The following DPP6 variants were observed in gnomAD, a reference collection of about 807,000 sequenced individuals.
The protein encoded by DPP6 is dipeptidyl peptidase like 6.
In DPP6, 69 loss-of-function variants were observed where a neutral mutation model predicts 122.6. That is an observed-to-expected ratio of 0.56 (90% confidence interval 0.46 to 0.69). The LOEUF is 0.69. Ranked by LOEUF, DPP6 falls within the 30% of genes least tolerant of loss-of-function variation. The probability of loss-of-function intolerance (pLI) is 0.00; values close to 1 mark genes in which losing one functional copy is unlikely to be tolerated. For synonymous variants in DPP6, 418 were observed against 433.1 expected, an observed-to-expected ratio of 0.97 and a Z score of 0.43; for missense variants, 928 against 1,116.9, an observed-to-expected ratio of 0.83 and a Z score of 2.41.
intron 7 of DPP6, among the ~76,000 whole-genome samples, chr7:154,722,621 C>A (rs560685362): frequency 6.6e-6 from 1 of 151,984 alleles, no homozygotes; most frequent in South Asian, 2.1e-4. Flanking sequence ...AAATCAGGGG[C>A]GGCAGCAGGA....
chr7:154,373,968 G>A (rs947155196), intron 1 of DPP6, among the ~76,000 whole-genome samples: 3 of 152,308 alleles, frequency 2.0e-5, no homozygotes, highest in East Asian at 1.9e-4. Context: ...GCCTGTGTCA[G>A]AATTTCCTAC....
At chr7:153,901,421 AC>A (rs912965805) in intron 1 of DPP6, among the ~76,000 whole-genome samples, 4 of 152,152 alleles carry the variant, frequency 2.6e-5, no homozygotes, top group African/African-American at 9.7e-5. Flanking sequence ...AAAGGTCGAA[AC>A]CCTCTTTTCC....
At chr7:153,810,102 G>A in the DPP6 span, among the ~76,000 whole-genome samples, 487 of 148,148 alleles carry the variant, frequency 3.3e-3, 1 homozygote, top group African/African-American at 0.012. Flanking sequence ...AAAGTTCACC[G>A]ACTTGATGCC....
chr7:154,823,796 C>G (rs1799954379), intron 16 of DPP6, among the ~76,000 whole-genome samples: 1 of 152,220 alleles, frequency 6.6e-6, no homozygotes, highest in Admixed American at 6.5e-5. Flanking sequence ...TTCTCTGATA[C>G]TGACTCAATA....
At chr7:154,767,131 C>T (rs1387761323) in intron 8 of DPP6, among the ~76,000 whole-genome samples, 2 of 152,144 alleles carry the variant, frequency 1.3e-5, no homozygotes, top group Non-Finnish European at 2.9e-5. Flanking sequence ...TTGTTGCAGC[C>T]AGCCGTTTTT....
In DPP6 at chr7:154,086,218, A is replaced by G. The variant is rs954345497; in HGVS notation, c.243+33155A>G. ...AAATATGAGAAGGGCATAGCTCATC[A>G]GAAATTCAGAGACCCTGGGTGAGCA... is the stretch of plus-strand genomic sequence containing the variant. On this transcript the variant is annotated intron_variant, in intron 1 of 25. Transcript: ENST00000377770. 9.1e-4 allele frequency among the ~76,000 whole-genome samples: 139 copies of G among 151,984 alleles called. 1 individual carries two copies. Among genetic ancestry groups the G allele is most frequent in the African/African-American group, 3.1e-3 (129 of 41,452 alleles).
chr7:153,914,280 G>A (rs1160350151), intron 1 of DPP6, among the ~76,000 whole-genome samples: 2 of 152,094 alleles, frequency 1.3e-5, no homozygotes, highest in African/African-American at 4.8e-5. Flanking sequence ...CCAGCCATGT[G>A]GAACTGTGAG....
chr7:154,272,563 T>C (rs370170749), intron 1 of DPP6, among the ~76,000 whole-genome samples: 1 of 152,104 alleles, frequency 6.6e-6, no homozygotes, highest in Non-Finnish European at 1.5e-5. Flanking sequence ...ATTTTGAAAA[T>C]TGGGGGATGT....
At chr7:153,813,298 T>A in the DPP6 span, among the ~76,000 whole-genome samples, 1 of 151,996 alleles carries the variant, frequency 6.6e-6, no homozygotes, top group Non-Finnish European at 1.5e-5. Flanking sequence ...GTTCTTGCGA[T>A]AGTTTACTGA....
At chr7:154,871,333 G>A (rs1804379059) in intron 18 of DPP6, among the ~76,000 whole-genome samples, 1 of 152,202 alleles carries the variant, frequency 6.6e-6, no homozygotes, top group Non-Finnish European at 1.5e-5. Context: ...CAGATGCCAG[G>A]AGAGGATGTG....
the DPP6 span, among the ~76,000 whole-genome samples, chr7:153,784,533 G>A: frequency 6.6e-6 from 1 of 152,176 alleles, no homozygotes; most frequent in African/African-American, 2.4e-5. Flanking sequence ...ATAAGTTTTG[G>A]ATGACATAGT....
At chr7:154,167,474 C>A (rs938000150) in intron 1 of DPP6, among the ~76,000 whole-genome samples, 27 of 152,342 alleles carry the variant, frequency 1.8e-4, no homozygotes, top group African/African-American at 6.0e-4. Context: ...TGAGGTAATG[C>A]AGTTTGCCTG....
intron 1 of DPP6, among the ~76,000 whole-genome samples, chr7:154,012,800 G>A (rs1162425854): frequency 1.3e-5 from 2 of 152,142 alleles, no homozygotes; most frequent in Admixed American, 6.5e-5. Context: ...TCTTTTATGT[G>A]TCTAATAACT....
chr7:153,858,045 A>T, the DPP6 span, among the ~76,000 whole-genome samples: 1 of 152,170 alleles, frequency 6.6e-6, no homozygotes, highest in Admixed American at 6.6e-5. Context: ...TTTCATTCTA[A>T]TTAGTCATTA....
At chr7:154,500,174 A>G (rs1200835768) in intron 3 of DPP6, among the ~76,000 whole-genome samples, 1 of 151,860 alleles carries the variant, frequency 6.6e-6, no homozygotes, top group Non-Finnish European at 1.5e-5. Flanking sequence ...GGAACAAAAT[A>G]GTTTAGGCAC....
chr7:154,292,089 G>T (rs1294995456), intron 1 of DPP6, among the ~76,000 whole-genome samples: 2 of 152,094 alleles, frequency 1.3e-5, no homozygotes, highest in African/African-American at 4.8e-5. Context: ...CTTACTCTCT[G>T]TCAAGTTGAT....
At chr7:154,384,747 T>TTTC (rs1167868505) in intron 1 of DPP6, among the ~76,000 whole-genome samples, 1 of 151,306 alleles carries the variant, frequency 6.6e-6, no homozygotes, top group African/African-American at 2.4e-5. Context: ...CTTTTATTTT[T>TTTC]TTTTGAGACA....
chr7:154,078,351 T>TAC (rs3052965), intron 1 of DPP6, among the ~76,000 whole-genome samples: 4,089 of 149,488 alleles, frequency 0.027, 51 homozygotes, highest in African/African-American at 0.043. Context: ...AGTGCATATG[T>TAC]ACACACACAC....
chr7:153,809,170 AC>A, the DPP6 span, among the ~76,000 whole-genome samples: 1 of 152,030 alleles, frequency 6.6e-6, no homozygotes, highest in African/African-American at 2.4e-5. Context: ...CTTAATATAC[AC>A]CTGTTGCATC....
Sources: gnomAD v4.1 joint callset for allele counts (sites outside exome capture counted in the v4.1 genomes callset) on GRCh38, gnomAD v4.1.1 for gene constraint, MANE v1.5 for transcripts, NCBI Gene and HGNC (gene_info 2026-07-23, HGNC 2026-07-21) for gene names.